Variants in RNF217 observed in about 807,000 individuals in gnomAD.
The protein encoded by RNF217 is ring finger protein 217.
Under a neutral mutation model 57.8 loss-of-function variants are expected in RNF217, and 31 were observed. The ratio of observed to expected loss-of-function variants is 0.54; its 90% confidence interval spans 0.40 to 0.72. RNF217 has a LOEUF of 0.72. Ranked by LOEUF, RNF217 falls within the 30% of genes least tolerant of loss-of-function variation. The pLI is 0.00. For missense variants in RNF217, 696 were observed against 708.3 expected (o/e 0.98, Z 0.20); for synonymous variants, 313 against 294.0 (o/e 1.06, Z -0.66).
At chr6:125,076,361 G>C (rs574813914) in intron 3 of RNF217, among the ~76,000 whole-genome samples, 4 of 152,238 alleles carry the variant, frequency 2.6e-5, no homozygotes, top group Admixed American at 6.5e-5. Flanking sequence ...CGTTGAATTA[G>C]GTGTATGTCT....
intron 1 of RNF217, among the ~76,000 whole-genome samples, chr6:124,967,091 C>G (rs374366348): frequency 4.6e-5 from 7 of 151,984 alleles, no homozygotes; most frequent in African/African-American, 1.7e-4. Context: ...GCTCTAAATC[C>G]AAGGCAGAGA....
chr6:125,020,627 C>T (rs1212282847), intron 1 of RNF217, among the ~76,000 whole-genome samples: 1 of 151,956 alleles, frequency 6.6e-6, no homozygotes, highest in East Asian at 1.9e-4. Flanking sequence ...GCCAAGTAAA[C>T]ATCTGTTCCG....
intron 1 of RNF217, among the ~76,000 whole-genome samples, chr6:125,021,064 T>G (rs1042335402): frequency 6.6e-6 from 1 of 152,158 alleles, no homozygotes; most frequent in Non-Finnish European, 1.5e-5. Flanking sequence ...TCAGATACTT[T>G]AACCCAGTAT....
intron 1 of RNF217, among the ~76,000 whole-genome samples, chr6:125,025,720 G>T (rs1786052792): frequency 8.6e-6 from 1 of 115,976 alleles, no homozygotes; most frequent in African/African-American, 3.3e-5. Context: ...GTGGGGAACA[G>T]AAAGTTGAAG....
chr6:125,045,525 A>AG, intron 2 of RNF217, 81 bp downstream of exon 2: 1 of 983,868 alleles, frequency 1.0e-6, no homozygotes, highest in Non-Finnish European at 1.5e-6. Flanking sequence ...GTGGGCATTA[A>AG]GGGGGCATCT....
intron 4 of RNF217, among the ~76,000 whole-genome samples, chr6:125,079,455 A>G (rs1237846089): frequency 1.3e-5 from 2 of 151,134 alleles, no homozygotes; most frequent in African/African-American, 2.4e-5. Context: ...AAAAAAAAAG[A>G]CAAGCCTGGA....
chr6:125,082,691 G>A (rs1359472046), intron 5 of RNF217, 173 bp from the exon 6 acceptor site: 1 of 1,369,642 alleles, frequency 7.3e-7, no homozygotes, highest in Non-Finnish European at 1.0e-6. Context: ...GGGGAGAAAA[G>A]CTAAAGGGAA....
Position 125,090,094 on chromosome 6 carries a change from A to G in RNF217, c.*7157A>G, listed in dbSNP as rs929642223. The G allele has an allele frequency of 6.6e-6, 1 of 152,046 alleles. No homozygotes were observed. The highest frequency in any genetic ancestry group is 1.5e-5 in the Non-Finnish European group (1 of 67,988). The allele number at this position is 152,046 out of a possible 1,614,324, so 9.4% of individuals were successfully genotyped here. A position where few individuals can be genotyped will look rare whatever the true frequency, so the allele number is the denominator to read the frequency against. Reference sequence around the variant, plus strand: ...TTACTTTTATTATTTGATCATTTTCATCACAATTGCAATCCTCTAGAGGGT... The same window carrying G: ...TTACTTTTATTATTTGATCATTTTCGTCACAATTGCAATCCTCTAGAGGGT... On this transcript the variant is annotated 3_prime_UTR_variant, in exon 6 of 6. Coordinates refer to ENST00000521654, the MANE Select transcript of RNF217 (RefSeq NM_001286398.3).
intron 1 of RNF217, among the ~76,000 whole-genome samples, chr6:124,991,455 C>G (rs982763758): frequency 1.3e-5 from 2 of 152,208 alleles, no homozygotes; most frequent in African/African-American, 4.8e-5. Context: ...TACCAGCATT[C>G]TTCTTCCTTG....
At chr6:125,065,463 A>G (rs535423751) in intron 3 of RNF217, among the ~76,000 whole-genome samples, 1 of 152,312 alleles carries the variant, frequency 6.6e-6, no homozygotes, top group Non-Finnish European at 1.5e-5. Context: ...TATTCTAAGC[A>G]TTGCAGGACA....
intron 1 of RNF217, among the ~76,000 whole-genome samples, chr6:125,003,885 T>G (rs1032272267): frequency 1.6e-4 from 24 of 152,124 alleles, no homozygotes; most frequent in Non-Finnish European, 2.4e-4. Flanking sequence ...AAGGAGAAAT[T>G]GAGGTTCAGA....
At chr6:124,992,035 T>G (rs1479535660) in intron 1 of RNF217, among the ~76,000 whole-genome samples, 3 of 152,172 alleles carry the variant, frequency 2.0e-5, no homozygotes, top group Non-Finnish European at 2.9e-5. Flanking sequence ...TTCCTTCTCA[T>G]ATAAATGCCC....
chr6:125,018,247 C>G (rs1283675913), intron 1 of RNF217, among the ~76,000 whole-genome samples: 1 of 152,128 alleles, frequency 6.6e-6, no homozygotes, highest in Non-Finnish European at 1.5e-5. Flanking sequence ...TAAGCCTTCC[C>G]CCTTTCATTT....
At position 125,021,327 on chromosome 6, in the gene RNF217, C is replaced by T. The variant is rs141319026; in HGVS notation, c.883-23884C>T. ...TGTCACCAAGGCTGGAGTGCAATGG[C>T]GCGATCTTGGCTCACTGCAACCTGT... On this transcript the variant is annotated intron_variant, in intron 1 of 5. Transcript: ENST00000521654. Among the ~76,000 whole-genome samples the T allele has an allele frequency of 3.4e-3, 512 of 149,000 alleles. 7 individuals carry two copies. Among genetic ancestry groups the T allele is most frequent in the African/African-American group, 0.012 (489 of 40,198 alleles).
At chr6:125,043,409 A>G (rs760970166) in intron 1 of RNF217, among the ~76,000 whole-genome samples, 4 of 151,958 alleles carry the variant, frequency 2.6e-5, no homozygotes, top group Non-Finnish European at 4.4e-5. Flanking sequence ...GTCTGAGATT[A>G]CTATACTTCT....
At chr6:125,018,955 C>T (rs1297402859) in intron 1 of RNF217, among the ~76,000 whole-genome samples, 1 of 152,158 alleles carries the variant, frequency 6.6e-6, no homozygotes, top group African/African-American at 2.4e-5. Flanking sequence ...GCACTAACAG[C>T]TGGACATACA....
intron 1 of RNF217, among the ~76,000 whole-genome samples, chr6:125,013,047 A>G (rs1785468906): frequency 6.6e-6 from 1 of 152,168 alleles, no homozygotes; most frequent in African/African-American, 2.4e-5. Context: ...AGAAGAAAAG[A>G]ATTGAAACAT....
chr6:125,024,840 G>A (rs756862904), intron 1 of RNF217, among the ~76,000 whole-genome samples: 5 of 152,068 alleles, frequency 3.3e-5, no homozygotes, highest in African/African-American at 7.2e-5. Flanking sequence ...GGAATTAAAC[G>A]TAGATATCAG....
In RNF217 at chr6:125,076,842, G is replaced by A. The variant is rs764065472; in HGVS notation, c.1467G>A (p.Val489=). Residue 489 remains valine (V), a synonymous_variant, in exon 4 of 6, where the codon GTG becomes GTA. Transcript: ENST00000521654. ...AGAGACCTCATTTAAGGAGATTAGT[G>A]CGAGGGTCAGTCTGTGGTGAGTGTC... ...LPERPHLRRL[V]RGSVCAGKLF... The A allele has an allele frequency of 6.2e-7, 1 of 1,613,334 alleles. No homozygotes were observed. Among genetic ancestry groups the A allele is most frequent in the Admixed American group, 1.7e-5 (1 of 59,922 alleles).
Sources: gnomAD v4.1 joint callset for allele counts (sites outside exome capture counted in the v4.1 genomes callset) on GRCh38, gnomAD v4.1.1 for gene constraint, MANE v1.5 for transcripts, NCBI Gene and HGNC (gene_info 2026-07-23, HGNC 2026-07-21) for gene names.